SNTG1: variants seen among roughly 807,000 people sequenced by gnomAD.
SNTG1 encodes the protein syntrophin gamma 1, also known as gamma-1-syntrophin.
Under a neutral mutation model 74.7 loss-of-function variants are expected in SNTG1, and 39 were observed. That is an observed-to-expected ratio of 0.52 (90% CI 0.40 to 0.68). The LOEUF is 0.68. SNTG1 is among the 30% of genes least tolerant of loss of function. The pLI is 0.00. For synonymous variants in SNTG1, 254 were observed against 217.1 expected, an observed-to-expected ratio of 1.17 and a Z score of -1.49; for missense variants, 685 against 609.5, an observed-to-expected ratio of 1.12 and a Z score of -1.30.
intron 2 of SNTG1, among the ~76,000 whole-genome samples, chr8:50,248,694 C>G (rs79741494): frequency 6.6e-6 from 1 of 151,894 alleles, no homozygotes; most frequent in African/African-American, 2.4e-5. Context: ...ACAGAATACA[C>G]GGCAATCACT....
chr8:50,554,660 G>C (rs781281781), intron 12 of SNTG1, among the ~76,000 whole-genome samples: 1 of 151,820 alleles, frequency 6.6e-6, no homozygotes, highest in Non-Finnish European at 1.5e-5. Context: ...TTGCACAAGA[G>C]GGCATAGGTT....
chr8:50,477,432 C>T (rs74640203), intron 8 of SNTG1, among the ~76,000 whole-genome samples: 12,034 of 151,922 alleles, frequency 0.079, 1,055 homozygotes, highest in African/African-American at 0.22. Context: ...GAAAAAAATA[C>T]AATTCAGGAA....
At chr8:50,662,030 CCTT>C (rs1355472703) in intron 15 of SNTG1, among the ~76,000 whole-genome samples, 1 of 152,078 alleles carries the variant, frequency 6.6e-6, no homozygotes, top group African/African-American at 2.4e-5. Context: ...TACCTTCTGG[CCTT>C]CTCCTGTGTC....
At chr8:50,726,782 G>A (rs915016940) in intron 17 of SNTG1, among the ~76,000 whole-genome samples, 9 of 152,146 alleles carry the variant, frequency 5.9e-5, no homozygotes, top group African/African-American at 2.2e-4. Flanking sequence ...CCAGGAGGTG[G>A]AGCTTGCAGT....
chr8:50,220,114 G>GGGCCAAATC (rs2084990018), intron 2 of SNTG1, among the ~76,000 whole-genome samples: 1 of 151,770 alleles, frequency 6.6e-6, no homozygotes, highest in Non-Finnish European at 1.5e-5. Context: ...ATGACAAAAA[G>GGGCCAAATC]AAGGGCCAAA....
intron 15 of SNTG1, among the ~76,000 whole-genome samples, chr8:50,675,070 G>C (rs962705495): frequency 1.3e-5 from 2 of 152,026 alleles, no homozygotes. Context: ...TTTCTCATGA[G>C]TGTCTTACTT....
chr8:50,479,000 C>T (rs1469862377), intron 8 of SNTG1, among the ~76,000 whole-genome samples: 1 of 151,964 alleles, frequency 6.6e-6, no homozygotes, highest in Non-Finnish European at 1.5e-5. Flanking sequence ...AGTAGTAAAA[C>T]ACATAATCTT....
At chr8:50,268,864 A>C (rs1586905617) in intron 2 of SNTG1, among the ~76,000 whole-genome samples, 1 of 151,824 alleles carries the variant, frequency 6.6e-6, no homozygotes, top group Admixed American at 6.6e-5. Flanking sequence ...TTGCTATGTC[A>C]CCCTGGCTGG....
intron 9 of SNTG1, among the ~76,000 whole-genome samples, chr8:50,519,345 T>A (rs963166359): frequency 1.3e-5 from 2 of 152,124 alleles, no homozygotes; most frequent in African/African-American, 4.8e-5. Context: ...ACAGCCAATA[T>A]CATACTGAAT....
At chr8:50,469,905 G>A (rs1025481041) in intron 8 of SNTG1, among the ~76,000 whole-genome samples, 30 of 152,172 alleles carry the variant, frequency 2.0e-4, no homozygotes, top group Admixed American at 1.5e-3. Flanking sequence ...CTTGAACTGG[G>A]AGGCAGAGGT....
intron 17 of SNTG1, among the ~76,000 whole-genome samples, chr8:50,741,467 A>C (rs937132468): frequency 5.9e-5 from 9 of 152,048 alleles, no homozygotes; most frequent in Non-Finnish European, 1.2e-4. Context: ...AGAAAAAGAT[A>C]ATTTAACAGT....
chr8:50,617,799 G>A (rs1435812376), intron 13 of SNTG1, among the ~76,000 whole-genome samples: 1 of 152,224 alleles, frequency 6.6e-6, no homozygotes, highest in East Asian at 1.9e-4. Context: ...TTTTCACAGT[G>A]CTTTTCTATA....
chr8:50,633,758 A>G (rs910802605), intron 13 of SNTG1, among the ~76,000 whole-genome samples: 1 of 152,190 alleles, frequency 6.6e-6, no homozygotes, highest in Non-Finnish European at 1.5e-5. Flanking sequence ...TACCCATGTT[A>G]TCATCTTCCT....
intron 11 of SNTG1, among the ~76,000 whole-genome samples, chr8:50,540,276 C>T (rs141033389): frequency 2.6e-5 from 4 of 152,130 alleles, no homozygotes; most frequent in African/African-American, 4.8e-5. Context: ...GACCTATGGA[C>T]TATTTAAAAG....
At chr8:50,406,931 A>G (rs757534037) in intron 4 of SNTG1, among the ~76,000 whole-genome samples, 3 of 152,268 alleles carry the variant, frequency 2.0e-5, no homozygotes, top group Admixed American at 6.5e-5. Context: ...CCAATCTACA[A>G]CAGAGAAAGT....
At chr8:49,914,948 T>A (rs1295987318) in intron 1 of SNTG1, 1 of 152,190 alleles carries the variant, frequency 6.6e-6, no homozygotes, top group Non-Finnish European at 1.5e-5. Context: ...GAGAGATCTC[T>A]TATTTGGTGT....
Position 50,688,650 on chromosome 8 carries a change from G to A in SNTG1, c.1039-15950G>A, listed in dbSNP as rs555469761. 2.6e-5 allele frequency among the ~76,000 whole-genome samples: 4 copies of A among 152,252 alleles called. No homozygotes were observed. The East Asian group carries it at 7.7e-4, about 29-fold the overall frequency. On this transcript the variant is annotated intron_variant, in intron 15 of 18. Transcript: ENST00000642720. ...TTGGTACCAGTACCATGCTGTTTTG[G>A]TTACTGTAGCCTTGTAGTATAGTAT...
At chr8:50,068,573 A>T (rs1821092275) in intron 1 of SNTG1, among the ~76,000 whole-genome samples, 1 of 152,170 alleles carries the variant, frequency 6.6e-6, no homozygotes, top group East Asian at 1.9e-4. Flanking sequence ...CCCCTGAGCT[A>T]GGTTTTCCAG....
chr8:50,184,670 G>A (rs1365618677), intron 2 of SNTG1, among the ~76,000 whole-genome samples: 3 of 151,984 alleles, frequency 2.0e-5, no homozygotes, highest in African/African-American at 4.8e-5. Flanking sequence ...CTTATCAAAC[G>A]AGCCAAGGGA....
Sources: gnomAD v4.1 joint callset for allele counts (sites outside exome capture counted in the v4.1 genomes callset) on GRCh38, gnomAD v4.1.1 for gene constraint, MANE v1.5 for transcripts, NCBI Gene and HGNC (gene_info 2026-07-23, HGNC 2026-07-21) for gene names.